Variants in PDE11A observed in about 807,000 individuals in gnomAD.
PDE11A encodes phosphodiesterase 11A.
A neutral mutation model predicts 100.5 loss-of-function variants in PDE11A; 100 were observed. The observed-to-expected ratio is 1.00, with a 90% CI of 0.85 to 1.18. PDE11A has a LOEUF of 1.18. Among genes scored for constraint, PDE11A ranks in the 50% most tolerant of loss-of-function variants. The pLI, the probability that PDE11A is intolerant of heterozygous loss-of-function variation, is 0.00. For missense variants in PDE11A, 1,141 were observed against 1,152.6 expected (o/e 0.99, Z 0.15); for synonymous variants, 381 against 420.8 (o/e 0.91, Z 1.16).
At chr2:178,076,996 G>GTT (rs56174470), upstream of PDE11A, among the ~76,000 whole-genome samples, 1 of 152,222 alleles carries the variant, frequency 6.6e-6, no homozygotes, top group Non-Finnish European at 1.5e-5. Context: ...AGGATAACCT[G>GTT]CTTCCTTACA....
intron 2 of PDE11A, among the ~76,000 whole-genome samples, chr2:178,099,489 A>G (rs936879831): frequency 3.3e-5 from 5 of 151,938 alleles, no homozygotes; most frequent in Admixed American, 6.6e-5. Context: ...AAAGAAAAAC[A>G]CAGTATATAT....
chr2:177,713,948 T>G (rs970160716), intron 12 of PDE11A, among the ~76,000 whole-genome samples: 1 of 147,838 alleles, frequency 6.8e-6, no homozygotes, highest in Non-Finnish European at 1.5e-5. Context: ...CTTTTTCACC[T>G]AAATTCGTAG....
intron 19 of PDE11A, among the ~76,000 whole-genome samples, chr2:177,633,290 G>GT (rs1333995790): frequency 2.0e-5 from 3 of 152,214 alleles, no homozygotes; most frequent in African/African-American, 7.2e-5. Context: ...GTAGTCAATA[G>GT]TAAGTCCTCC....
At chr2:177,781,627 A>G (rs2082455822) in intron 9 of PDE11A, among the ~76,000 whole-genome samples, 2 of 151,926 alleles carry the variant, frequency 1.3e-5, no homozygotes, top group Non-Finnish European at 2.9e-5. Flanking sequence ...CTCAGCCTCC[A>G]AGTAGCTGGG....
At chr2:177,897,456 T>C (rs1167951657) in intron 4 of PDE11A, among the ~76,000 whole-genome samples, 1 of 152,280 alleles carries the variant, frequency 6.6e-6, no homozygotes, top group South Asian at 2.1e-4. Flanking sequence ...CTGGTAAGGC[T>C]ACTTTGTGCC....
At chr2:178,068,119 G>A (rs972165765) in intron 1 of PDE11A, among the ~76,000 whole-genome samples, 5 of 152,068 alleles carry the variant, frequency 3.3e-5, no homozygotes, top group Admixed American at 3.3e-4. Flanking sequence ...TCAACCTCTT[G>A]AGGGCAATTT....
At chr2:177,983,341 T>C (rs1243190080) in intron 2 of PDE11A, among the ~76,000 whole-genome samples, 1 of 152,196 alleles carries the variant, frequency 6.6e-6, no homozygotes, top group Admixed American at 6.5e-5. Context: ...ATTGAGGACC[T>C]GCTGTGTTTG....
At chr2:177,739,697 C>T (rs2081844785) in intron 10 of PDE11A, among the ~76,000 whole-genome samples, 1 of 152,208 alleles carries the variant, frequency 6.6e-6, no homozygotes, top group South Asian at 2.1e-4. Flanking sequence ...TGAGTGTCTT[C>T]TTAAAGAAAA....
chr2:177,900,866 G>C (rs1268599617), intron 3 of PDE11A, among the ~76,000 whole-genome samples: 1 of 152,194 alleles, frequency 6.6e-6, no homozygotes, highest in Non-Finnish European at 1.5e-5. Flanking sequence ...ATCCTGGGTA[G>C]GGTTATTGAA....
In PDE11A at chr2:178,000,926, C is replaced by T. The variant is rs377612285; in HGVS notation, c.1071+13376G>A. ...TTCATGGGTCCCAAAAGTGAAGATG[C>T]AACAGTAGGAAACTAATGAACATCC... On this transcript the variant is annotated intron_variant, in intron 2 of 19. Coordinates refer to ENST00000286063, the MANE Select transcript of PDE11A (RefSeq NM_016953.4). 2.2e-4 allele frequency among the ~76,000 whole-genome samples: 33 copies of T among 152,170 alleles called. 1 individual carries two copies. The highest frequency in any genetic ancestry group is 7.7e-4 in the African/African-American group (32 of 41,516).
At chr2:177,850,421 C>T (rs1202096131) in intron 5 of PDE11A, among the ~76,000 whole-genome samples, 1 of 152,074 alleles carries the variant, frequency 6.6e-6, no homozygotes, top group Non-Finnish European at 1.5e-5. Flanking sequence ...AGACCTAAAA[C>T]CATAAAAACC....
At chr2:177,848,623 T>C (rs943898607) in intron 5 of PDE11A, among the ~76,000 whole-genome samples, 4 of 152,172 alleles carry the variant, frequency 2.6e-5, no homozygotes, top group African/African-American at 9.7e-5. Flanking sequence ...CTCAAATATA[T>C]TGACTGTGGA....
At chr2:177,654,355 A>G (rs1418624318) in intron 19 of PDE11A, among the ~76,000 whole-genome samples, 1 of 152,130 alleles carries the variant, frequency 6.6e-6, no homozygotes, top group African/African-American at 2.4e-5. Flanking sequence ...CCTTGTCTCT[A>G]TGAAAATACA....
intron 18 of PDE11A, 30 bp from the exon 19 acceptor site, chr2:177,663,979 T>A: frequency 7.5e-7 from 1 of 1,329,186 alleles, no homozygotes; most frequent in Non-Finnish European, 1.1e-6. Flanking sequence ...GAACCTCGCT[T>A]TATTACACCA....
At chr2:177,954,016 T>C (rs891517878) in intron 2 of PDE11A, among the ~76,000 whole-genome samples, 1 of 151,960 alleles carries the variant, frequency 6.6e-6, no homozygotes, top group Non-Finnish European at 1.5e-5. Flanking sequence ...AACTTTATCA[T>C]GGGATTTCAC....
chr2:178,030,821 T>C (rs1375721720), intron 1 of PDE11A, among the ~76,000 whole-genome samples: 1 of 152,092 alleles, frequency 6.6e-6, no homozygotes, highest in East Asian at 1.9e-4. Context: ...GAGGCTGCAG[T>C]GAATCTTGTG....
intron 5 of PDE11A, 43 bp from the exon 6 acceptor site, chr2:177,840,426 TAA>T (rs760868691): frequency 8.1e-6 from 13 of 1,595,650 alleles, no homozygotes; most frequent in Non-Finnish European, 1.0e-5. Flanking sequence ...GAGAGAAACG[TAA>T]GTTTTCTTGA....
intron 12 of PDE11A, among the ~76,000 whole-genome samples, chr2:177,720,771 T>C (rs1179821493): frequency 3.3e-5 from 5 of 152,216 alleles, no homozygotes; most frequent in Non-Finnish European, 5.9e-5. Flanking sequence ...TGGCATTAAT[T>C]AACTATTGAT....
intron 10 of PDE11A, among the ~76,000 whole-genome samples, chr2:177,736,158 A>T (rs539926066): frequency 2.6e-5 from 4 of 152,218 alleles, no homozygotes; most frequent in African/African-American, 9.6e-5. Flanking sequence ...AGAACCAGGG[A>T]AAAAGAGAGA....
Sources: gnomAD v4.1 joint callset for allele counts (sites outside exome capture counted in the v4.1 genomes callset) on GRCh38, gnomAD v4.1.1 for gene constraint, MANE v1.5 for transcripts, NCBI Gene and HGNC (gene_info 2026-07-23, HGNC 2026-07-21) for gene names.